The following RSBN1L variants were observed in gnomAD, a reference collection of about 807,000 sequenced individuals.
RSBN1L encodes the protein round spermatid basic protein 1 like, also known as lysine-specific demethylase RSBN1L.
RSBN1L carries 30 observed loss-of-function variants against 67.7 expected under a neutral mutation model. The ratio of observed to expected loss-of-function variants is 0.44; its 90% CI spans 0.33 to 0.60. The LOEUF is 0.60. Ranked by LOEUF, RSBN1L falls within the 20% of genes least tolerant of loss-of-function variation. RSBN1L has a pLI of 0.02. For synonymous variants in RSBN1L, 433 were observed against 387.0 expected (o/e 1.12, Z -1.39); for missense variants, 992 against 1,031.7 (o/e 0.96, Z 0.53).
intron 1 of RSBN1L, among the ~76,000 whole-genome samples, chr7:77,720,296 C>T (rs548219440): frequency 9.2e-5 from 14 of 152,236 alleles, no homozygotes; most frequent in African/African-American, 3.1e-4. Context: ...CGTGGTGGCT[C>T]GTGCCTATAA....
intron 1 of RSBN1L, among the ~76,000 whole-genome samples, chr7:77,724,840 CTTTTTT>C (rs1317982313): frequency 7.0e-6 from 1 of 142,568 alleles, no homozygotes; most frequent in Non-Finnish European, 1.5e-5. Flanking sequence ...TTTTCTTTTT[CTTTTTT>C]GTTTTTTTTT....
At chr7:77,721,680 T>G (rs1791121837) in intron 1 of RSBN1L, among the ~76,000 whole-genome samples, 1 of 152,224 alleles carries the variant, frequency 6.6e-6, no homozygotes, top group Admixed American at 6.5e-5. Context: ...ATGAATCAAG[T>G]AATCCGGAAT....
chr7:77,723,467 T>G (rs1230685112), intron 1 of RSBN1L, among the ~76,000 whole-genome samples: 1 of 152,170 alleles, frequency 6.6e-6, no homozygotes, highest in Non-Finnish European at 1.5e-5. Flanking sequence ...ATTTATTTTT[T>G]AATTCTAATT....
intron 1 of RSBN1L, among the ~76,000 whole-genome samples, chr7:77,710,468 C>A (rs1790957703): frequency 6.6e-6 from 1 of 152,188 alleles, no homozygotes; most frequent in Admixed American, 6.5e-5. Context: ...TTTACTACAC[C>A]TAGCTAATGT....
chr7:77,737,498 C>T (rs1390135216), intron 2 of RSBN1L, among the ~76,000 whole-genome samples: 2 of 152,166 alleles, frequency 1.3e-5, no homozygotes, highest in East Asian at 3.8e-4. Flanking sequence ...TATTCGTTTT[C>T]TATTATCTAC....
intron 4 of RSBN1L, 131 bp from the exon 5 acceptor site, chr7:77,768,530 A>G: frequency 1.3e-6 from 1 of 750,492 alleles, no homozygotes; most frequent in Admixed American, 2.8e-5. Flanking sequence ...ATTCAATATT[A>G]TGTATTTCAG....
At chr7:77,705,510 G>GTTTTTTTTTTTT (rs56187940) in intron 1 of RSBN1L, among the ~76,000 whole-genome samples, 24 of 111,478 alleles carry the variant, frequency 2.2e-4, no homozygotes, top group Middle Eastern at 6.0e-3. Context: ...CATTGTAATG[G>GTTTTTTTTTTTT]TTTTTTTTTT....
intron 1 of RSBN1L, among the ~76,000 whole-genome samples, chr7:77,730,382 G>T (rs1791258170): frequency 6.6e-6 from 1 of 152,136 alleles, no homozygotes; most frequent in Admixed American, 6.6e-5. Flanking sequence ...TGTTCCAACT[G>T]ATGAACCTGC....
At chr7:77,777,335 T>C (rs2150435447) in intron 6 of RSBN1L, among the ~76,000 whole-genome samples, 1 of 152,156 alleles carries the variant, frequency 6.6e-6, no homozygotes, top group Middle Eastern at 3.4e-3. Context: ...AGGTGTGCTG[T>C]ACATTCCTTT....
chr7:77,772,882 G>C (rs527616303), intron 5 of RSBN1L, among the ~76,000 whole-genome samples: 1 of 152,318 alleles, frequency 6.6e-6, no homozygotes, highest in South Asian at 2.1e-4. Flanking sequence ...TAAAGATTCT[G>C]TGTATAGGGA....
chr7:77,734,943 C>T (rs1423689008), intron 1 of RSBN1L, among the ~76,000 whole-genome samples: 3 of 151,660 alleles, frequency 2.0e-5, no homozygotes, highest in Non-Finnish European at 4.4e-5. Context: ...AGTTTTATCT[C>T]GTTTATTCTC....
At chr7:77,757,154 T>A (rs1791630507) in intron 3 of RSBN1L, among the ~76,000 whole-genome samples, 1 of 152,270 alleles carries the variant, frequency 6.6e-6, no homozygotes, top group Non-Finnish European at 1.5e-5. Flanking sequence ...TTTGTAGTGA[T>A]AGTGTTTATC....
intron 6 of RSBN1L, among the ~76,000 whole-genome samples, chr7:77,774,101 G>T (rs1357867505): frequency 6.6e-6 from 1 of 152,066 alleles, no homozygotes. Context: ...TACCCTTTCT[G>T]AGGTTTGGTT....
chr7:77,769,363 C>T (rs1791814918), intron 5 of RSBN1L, among the ~76,000 whole-genome samples: 1 of 152,056 alleles, frequency 6.6e-6, no homozygotes. Flanking sequence ...AGAAATAGAT[C>T]TAAGTATATT....
rs1479857141 is a variant in RSBN1L at position 77,765,602 on chromosome 7, T to G, written c.1452T>G (p.Leu484=). 6.2e-7 allele frequency: 1 copy of G among 1,608,806 alleles called. No individual in the cohort carries two copies. The change falls in exon 4 of 8, where the codon CTT becomes CTG. Residue 484 remains leucine (L), a synonymous_variant. Coordinates refer to ENST00000334955, the MANE Select transcript of RSBN1L (RefSeq NM_198467.3). ...EEVGDYFPEF[L]DMLEESPFLK... is the part of the protein sequence containing the mutation. ...TAGGAGATTATTTCCCTGAGTTCCTTGACATGTTGGAAGAGTCACCATTTT... is the reference window on the plus strand; with the variant it reads ...TAGGAGATTATTTCCCTGAGTTCCTGGACATGTTGGAAGAGTCACCATTTT...
In RSBN1L at chr7:77,744,200, T is replaced by TA. The variant is rs949822793; in HGVS notation, c.704-5214dup. ...GCATGTACCAACATGCCCAGCTAAT[T>TA]AAAAAAAAAAGATTTTGTAGAGACA... On this transcript the variant is annotated intron_variant, in intron 2 of 7. Coordinates refer to ENST00000334955, the MANE Select transcript of RSBN1L (RefSeq NM_198467.3). 1.4e-3 allele frequency among the ~76,000 whole-genome samples: 211 copies of TA among 148,354 alleles called. 2 individuals are homozygous for TA. Among genetic ancestry groups the TA allele is most frequent in the African/African-American group, 4.2e-3 (171 of 40,394 alleles).
intron 3 of RSBN1L, 69 bp from the exon 4 acceptor site, chr7:77,765,426 T>C: frequency 8.1e-7 from 1 of 1,239,110 alleles, no homozygotes; most frequent in African/African-American, 1.5e-5. Context: ...TGTGTAACTT[T>C]TAATTAAATC....
At chr7:77,733,427 T>C (rs1428108929) in intron 1 of RSBN1L, among the ~76,000 whole-genome samples, 8 of 152,218 alleles carry the variant, frequency 5.3e-5, no homozygotes, top group Non-Finnish European at 1.2e-4. Context: ...TAGATGTTTT[T>C]CACATAATAA....
intron 1 of RSBN1L, among the ~76,000 whole-genome samples, chr7:77,729,283 G>T (rs183076793): frequency 2.0e-4 from 31 of 152,286 alleles, no homozygotes; most frequent in African/African-American, 7.2e-4. Flanking sequence ...TGGTGAACAA[G>T]AATTTCTCCA....
Sources: allele counts gnomAD v4.1 joint callset (sites outside exome capture counted in the v4.1 genomes callset), GRCh38; gene constraint gnomAD v4.1.1; transcripts MANE v1.5; gene names NCBI Gene and HGNC (gene_info 2026-07-23, HGNC 2026-07-21).